GPC5: variants seen among roughly 807,000 people sequenced by gnomAD.
GPC5 encodes glypican 5.
Under a neutral mutation model 53.9 loss-of-function variants are expected in GPC5, and 47 were observed. That is an observed-to-expected ratio of 0.87 (90% CI 0.69 to 1.11). The LOEUF (loss-of-function observed/expected upper bound fraction) is 1.11. Among genes scored for constraint, GPC5 ranks in the 50% most tolerant of loss-of-function variants. The pLI is 0.00. For missense variants in GPC5, 748 were observed against 713.1 expected, an observed-to-expected ratio of 1.05 and a Z score of -0.56; for synonymous variants, 286 against 263.3, an observed-to-expected ratio of 1.09 and a Z score of -0.84.
chr13:92,546,403 A>G (rs1182515349), intron 7 of GPC5, among the ~76,000 whole-genome samples: 1 of 152,154 alleles, frequency 6.6e-6, no homozygotes, highest in Non-Finnish European at 1.5e-5. Flanking sequence ...ATCATGAGTG[A>G]ACTCCCATTC....
rs554167112 is a variant in GPC5, at chr13:92,059,800, GGTATAA to G, written c.1402-85018_1402-85013del. ...GCTGGGAGACTCACTTTTGCATAGA[GGTATAA>G]GTATAAGTATATTTTTAGGTGAAGT... On this transcript the variant is annotated intron_variant, in intron 6 of 7. Transcript: ENST00000377067. The G allele has an allele frequency of 4.3e-4, 66 of 151,884 alleles. 1 individual carries two copies. Among genetic ancestry groups the G allele is most frequent in the South Asian group, 1.5e-3 (7 of 4,820 alleles). The allele number at this position is 151,884 out of a possible 1,614,324, so 9.4% of individuals were successfully genotyped here. A position where few individuals can be genotyped will look rare whatever the true frequency, so the allele number is the denominator to read the frequency against.
At chr13:92,462,841 C>T (rs1013977931) in intron 7 of GPC5, among the ~76,000 whole-genome samples, 3 of 151,714 alleles carry the variant, frequency 2.0e-5, no homozygotes, top group Non-Finnish European at 1.5e-5. Context: ...CTCAGCCTCC[C>T]GAGTAGGTGG....
intron 5 of GPC5, among the ~76,000 whole-genome samples, chr13:91,895,787 G>A (rs1000937198): frequency 1.6e-4 from 25 of 152,046 alleles, no homozygotes; most frequent in Non-Finnish European, 3.2e-4. Context: ...GATCATGAAC[G>A]GAGTGATTTC....
intron 2 of GPC5, among the ~76,000 whole-genome samples, chr13:91,667,970 C>G (rs1357100525): frequency 1.3e-5 from 2 of 152,160 alleles, no homozygotes; most frequent in Non-Finnish European, 2.9e-5. Flanking sequence ...TCTATTTTCT[C>G]TTTCATAATA....
At chr13:91,480,546 A>G (rs1883244795) in intron 2 of GPC5, among the ~76,000 whole-genome samples, 1 of 152,198 alleles carries the variant, frequency 6.6e-6, no homozygotes, top group African/African-American at 2.4e-5. Flanking sequence ...AAACTTTCTA[A>G]ATAATTCACT....
At chr13:91,523,449 C>T (rs1197768892) in intron 2 of GPC5, among the ~76,000 whole-genome samples, 1 of 152,088 alleles carries the variant, frequency 6.6e-6, no homozygotes, top group Non-Finnish European at 1.5e-5. Flanking sequence ...ATCTGGAAGA[C>T]ATGTTAAATA....
At chr13:92,346,378 T>C (rs1438357385) in intron 7 of GPC5, among the ~76,000 whole-genome samples, 2 of 152,154 alleles carry the variant, frequency 1.3e-5, no homozygotes, top group Non-Finnish European at 2.9e-5. Context: ...CCAGCAGCTC[T>C]TCCTGACAGC....
At chr13:92,532,520 A>T (rs1041936131) in intron 7 of GPC5, among the ~76,000 whole-genome samples, 1 of 152,224 alleles carries the variant, frequency 6.6e-6, no homozygotes, top group South Asian at 2.1e-4. Context: ...CCAAAGAAAT[A>T]CAAAACACTG....
chr13:92,214,712 A>T (rs77089571), intron 7 of GPC5, among the ~76,000 whole-genome samples: 3,352 of 152,278 alleles, frequency 0.022, 126 homozygotes, highest in African/African-American at 0.074. Flanking sequence ...GAAATCTGTG[A>T]CTATGTTAGG....
At chr13:91,646,922 A>AT (rs1436459277) in intron 2 of GPC5, among the ~76,000 whole-genome samples, 1 of 152,222 alleles carries the variant, frequency 6.6e-6, no homozygotes, top group East Asian at 1.9e-4. Flanking sequence ...ATCAGTCATC[A>AT]TCAGACACTT....
In GPC5 at chr13:91,932,131, T is replaced by C. The variant is rs145177666; in HGVS notation, c.1401+24074T>C. ...AATATTAGTCTCCAATACCAAACTT[T>C]TCTTAAGAATTTGGCTGCAAAGAAT... On this transcript the variant is annotated intron_variant, in intron 6 of 7. Transcript: ENST00000377067. 3.8e-3 allele frequency among the ~76,000 whole-genome samples: 582 copies of C among 152,136 alleles called. 23 individuals carry two copies. The East Asian group carries it at 0.098, about 26-fold the overall frequency.
rs144209832 is a variant in GPC5 at position 91,927,034 on chromosome 13, A to C, written c.1401+18977A>C. The stretch of plus-strand genomic sequence containing the variant: ...GTATACAAATATTTCTCAATATTTT[A>C]ATGCTTGCGGTATTGTTAATGTTTC... On this transcript the variant is annotated intron_variant, in intron 6 of 7. Coordinates refer to ENST00000377067, the MANE Select transcript of GPC5 (RefSeq NM_004466.6). Among the ~76,000 whole-genome samples, 290 of 152,352 alleles carry C rather than the reference A, an allele frequency of 1.9e-3. 1 individual carries two copies. Among genetic ancestry groups the C allele is most frequent in the Admixed American group, 9.3e-3 (143 of 15,300 alleles).
chr13:92,213,807 A>G (rs1594002418), intron 7 of GPC5, among the ~76,000 whole-genome samples: 1 of 152,312 alleles, frequency 6.6e-6, no homozygotes, highest in Non-Finnish European at 1.5e-5. Context: ...TTCATTAGAT[A>G]GATCTGACTA....
In GPC5 at chr13:92,857,356, AT is replaced by A. The variant is rs139292401; in HGVS notation, c.1562-8925del. On this transcript the variant is annotated intron_variant, in intron 7 of 7. Transcript: ENST00000377067. ...AGACCTAAATGTAAGACCTCAAAGT[AT>A]AAAAATCCCAGAAGAAAACATAGGA... Among the ~76,000 whole-genome samples the A allele has an allele frequency of 2.7e-3, 411 of 152,296 alleles. 12 individuals carry two copies. In the East Asian group the frequency reaches 0.075, roughly 28 times the overall value.
At chr13:91,433,972 C>T (rs1362866965) in intron 1 of GPC5, among the ~76,000 whole-genome samples, 9 of 152,180 alleles carry the variant, frequency 5.9e-5, no homozygotes, top group African/African-American at 1.2e-4. Flanking sequence ...CATTTTTTCA[C>T]GTGTCTTTTG....
intron 7 of GPC5, among the ~76,000 whole-genome samples, chr13:92,548,983 A>G (rs1476087074): frequency 6.6e-6 from 1 of 152,192 alleles, no homozygotes; most frequent in Admixed American, 6.5e-5. Flanking sequence ...TGAAGTTTAG[A>G]GATAAGCATT....
At chr13:92,283,626 C>A (rs1439370344) in intron 7 of GPC5, among the ~76,000 whole-genome samples, 2 of 152,186 alleles carry the variant, frequency 1.3e-5, no homozygotes, top group African/African-American at 2.4e-5. Context: ...ACTGAACAAC[C>A]TGCTCCTGAA....
intron 4 of GPC5, among the ~76,000 whole-genome samples, chr13:91,733,839 C>A (rs957247159): frequency 2.0e-5 from 3 of 152,126 alleles, no homozygotes; most frequent in African/African-American, 7.2e-5. Flanking sequence ...TGTCTGATTG[C>A]CCCGGCCAGA....
At chr13:92,035,003 A>G (rs1438626393) in intron 6 of GPC5, among the ~76,000 whole-genome samples, 1 of 152,152 alleles carries the variant, frequency 6.6e-6, no homozygotes, top group Non-Finnish European at 1.5e-5. Flanking sequence ...GTATTTAAAT[A>G]CCTTTGAATT....
Sources: allele counts gnomAD v4.1 joint callset (sites outside exome capture counted in the v4.1 genomes callset), GRCh38; gene constraint gnomAD v4.1.1; transcripts MANE v1.5; gene names NCBI Gene and HGNC (gene_info 2026-07-23, HGNC 2026-07-21).